The following PSCA variants were observed in gnomAD, a reference collection of about 807,000 sequenced individuals.
PSCA encodes prostate stem cell antigen.
A neutral mutation model predicts 7.9 loss-of-function variants in PSCA; 7 were observed. The observed-to-expected ratio is 0.89, with a 90% CI of 0.51 to 1.67. The LOEUF (loss-of-function observed/expected upper bound fraction) is 1.67. Among genes scored for constraint, PSCA ranks in the 40% most tolerant of loss-of-function variants. The pLI, the probability that PSCA is intolerant of heterozygous loss-of-function variation, is 0.00. For missense variants in PSCA, 151 were observed against 147.9 expected, an observed-to-expected ratio of 1.02 and a Z score of -0.11; for synonymous variants, 61 against 68.3, an observed-to-expected ratio of 0.89 and a Z score of 0.53.
At chr8:142,681,089 G>A (rs984269882) in intron 1 of PSCA, 13 of 518,832 alleles carry the variant, frequency 2.5e-5, no homozygotes, top group East Asian at 3.3e-5. Flanking sequence ...CCCCACAGCC[G>A]CAGCTTCCTC....
chr8:142,677,049 G>A (rs767085973), upstream of PSCA, among the ~76,000 whole-genome samples: 17 of 152,236 alleles, frequency 1.1e-4, no homozygotes, highest in Admixed American at 3.9e-4. Context: ...GGTTCATTCT[G>A]TGACCAGGAT....
At chr8:142,678,969 T>C (rs1847430215), upstream of PSCA, among the ~76,000 whole-genome samples, 1 of 151,538 alleles carries the variant, frequency 6.6e-6, no homozygotes. Context: ...CCCAGCTGAC[T>C]GGCATGAGAG....
upstream of PSCA, among the ~76,000 whole-genome samples, chr8:142,678,053 G>A (rs1847418687): frequency 6.6e-6 from 1 of 152,108 alleles, no homozygotes; most frequent in African/African-American, 2.4e-5. Flanking sequence ...CTCAAGGTGA[G>A]ACAGTGGGAA....
intron 2 of PSCA, chr8:142,681,665 A>G (rs2920297): frequency 0.46 from 279,249 of 609,096 alleles, 65,065 homozygotes; most frequent in Admixed American, 0.53. Flanking sequence ...TCCTCCACCC[A>G]TCTGTCCCTC....
intron 1 of PSCA, among the ~76,000 whole-genome samples, chr8:142,674,747 G>T (rs868976582): frequency 6.6e-6 from 1 of 152,248 alleles, no homozygotes; most frequent in South Asian, 2.1e-4. Context: ...GCACCAGCCT[G>T]CTTCCCTACT....
At chr8:142,670,785 A>G (rs1847308875) in intron 1 of PSCA, among the ~76,000 whole-genome samples, 1 of 152,212 alleles carries the variant, frequency 6.6e-6, no homozygotes, top group Non-Finnish European at 1.5e-5. Context: ...AAATGCAATG[A>G]AGTTAAGATT....
At position 142,680,574 on chromosome 8, in the gene PSCA, G is replaced by C. The variant is rs781991776; in HGVS notation, c.25+11G>C. 3 of 1,554,036 alleles carry C rather than the reference G, an allele frequency of 1.9e-6. No homozygotes were observed. Among genetic ancestry groups the C allele is most frequent in the Non-Finnish European group, 2.6e-6 (3 of 1,148,334 alleles). ...TGGCCCTGCAGCCAGGTGAGGCCTT[G>C]GCTGGCCCCCAGCAGGGAAGGGAGC... On this transcript the variant is annotated intron_variant, in intron 1 of 2. Coordinates refer to ENST00000301258, the MANE Select transcript of PSCA (RefSeq NM_005672.5).
At chr8:142,679,241 G>A (rs1189777042), upstream of PSCA, among the ~76,000 whole-genome samples, 1 of 152,258 alleles carries the variant, frequency 6.6e-6, no homozygotes, top group Non-Finnish European at 1.5e-5. Flanking sequence ...CTACTGCAGA[G>A]GCTGCTAAAA....
intron 1 of PSCA, among the ~76,000 whole-genome samples, chr8:142,671,973 G>A (rs587662698): frequency 6.6e-6 from 1 of 152,144 alleles, no homozygotes; most frequent in Non-Finnish European, 1.5e-5. Flanking sequence ...CCACTCCCTG[G>A]GTGATCTCCT....
chr8:142,680,288 T>G (rs1312117144), upstream of PSCA: 3 of 542,862 alleles, frequency 5.5e-6, no homozygotes, highest in African/African-American at 3.8e-5. Context: ...CCGGGGTGGC[T>G]GAGATATGGC....
chr8:142,682,266 G>A lies in PSCA; in HGVS notation c.*134G>A, dbSNP rs1554638501. The A allele has an allele frequency of 8.8e-7, 1 of 1,136,630 alleles. No individual in the cohort carries two copies. The highest frequency in any genetic ancestry group is 2.0e-5 in the Admixed American group (1 of 50,440). The allele number at this position is 1,136,630 out of a possible 1,614,324, so 70.4% of individuals were successfully genotyped here. A position where few individuals can be genotyped will look rare whatever the true frequency, so the allele number is the denominator to read the frequency against. The stretch of plus-strand genomic sequence containing the variant: ...TCCTAACGCAAGTCTGACCATGTAT[G>A]TCTGCGCCCCTGTCCCCCACCCTGA... On this transcript the variant is annotated 3_prime_UTR_variant, in exon 3 of 3. Transcript: ENST00000301258.
At chr8:142,671,593 G>T (rs1341868302) in intron 1 of PSCA, among the ~76,000 whole-genome samples, 2 of 152,124 alleles carry the variant, frequency 1.3e-5, no homozygotes, top group Non-Finnish European at 2.9e-5. Flanking sequence ...TCACTCTGTT[G>T]CCCAGGCTGG....
At position 142,680,570 on chromosome 8, in the gene PSCA, C is replaced by T. The variant is rs1200315952; in HGVS notation, c.25+7C>T. 2 of 1,553,754 alleles carry T rather than the reference C, an allele frequency of 1.3e-6. No individual in the cohort carries two copies. The highest frequency in any genetic ancestry group is 1.7e-6 in the Non-Finnish European group (2 of 1,148,272). On this transcript the variant is annotated splice_region_variant and intron_variant, in intron 1 of 2. Coordinates refer to ENST00000301258, the MANE Select transcript of PSCA (RefSeq NM_005672.5). ...GGCTTGGCCCTGCAGCCAGGTGAGG[C>T]CTTGGCTGGCCCCCAGCAGGGAAGG... is the stretch of plus-strand genomic sequence containing the variant.
chr8:142,680,168 G>A (rs1232852565), upstream of PSCA: 4 of 268,692 alleles, frequency 1.5e-5, no homozygotes, highest in Non-Finnish European at 2.9e-5. Context: ...CTGGAAGGCC[G>A]AGGCCTGGAG....
At chr8:142,680,087 G>A (rs587637031), upstream of PSCA, 1,053 of 177,254 alleles carry the variant, frequency 5.9e-3, 5 homozygotes, top group Non-Finnish European at 8.9e-3. Flanking sequence ...TCACCCTGCG[G>A]GCCGTGGGCC....
At chr8:142,675,666 C>G (rs1367606760), upstream of PSCA, among the ~76,000 whole-genome samples, 1 of 152,224 alleles carries the variant, frequency 6.6e-6, no homozygotes, top group Admixed American at 6.5e-5. Flanking sequence ...CTCTCACACT[C>G]TCACACACAC....
intron 1 of PSCA, 92 bp from the exon 2 acceptor site, chr8:142,681,235 C>T: frequency 1.1e-6 from 1 of 945,998 alleles, no homozygotes; most frequent in Non-Finnish European, 1.6e-6. Flanking sequence ...CTTCCTCAGG[C>T]CACCGCCATG....
chr8:142,672,541 G>T (rs1047929747), intron 1 of PSCA, among the ~76,000 whole-genome samples: 5 of 152,168 alleles, frequency 3.3e-5, no homozygotes, highest in Non-Finnish European at 5.9e-5. Context: ...CCCATGGCAG[G>T]GTCTCCTGGG....
rs369515007 is a variant in PSCA at position 142,681,327 on chromosome 8, G to A, written c.26G>A (p.Gly9Asp). The A allele has an allele frequency of 5.0e-5, 78 of 1,556,216 alleles. No homozygotes were observed. Among genetic ancestry groups the A allele is most frequent in the Non-Finnish European group, 6.1e-5 (70 of 1,149,826 alleles). The change falls in exon 2 of 3, where the codon GGC becomes GAC. Residue 9 changes from glycine (G) to aspartate (D), a missense_variant and splice_region_variant. Coordinates refer to ENST00000301258, the MANE Select transcript of PSCA (RefSeq NM_005672.5). MAGLALQP[G>D]TALLCYSCKA... ...AGGCCCCTCCCACTCCACCCCACAG[G>A]CACTGCCCTGCTGTGCTACTCCTGC...
Sources: allele counts gnomAD v4.1 joint callset (sites outside exome capture counted in the v4.1 genomes callset), GRCh38; gene constraint gnomAD v4.1.1; transcripts MANE v1.5; gene names NCBI Gene and HGNC (gene_info 2026-07-23, HGNC 2026-07-21).